The following FBXO42 variants were observed in gnomAD, a reference collection of about 807,000 sequenced individuals.
FBXO42 encodes F-box protein 42.
A neutral mutation model predicts 71.7 loss-of-function variants in FBXO42; 12 were observed. The observed-to-expected ratio is 0.17, with a 90% CI of 0.11 to 0.27. The LOEUF is 0.27. FBXO42 is among the 10% of genes least tolerant of loss of function. The probability of loss-of-function intolerance (pLI) is 1.00; values close to 1 mark genes in which losing one functional copy is unlikely to be tolerated. For synonymous variants in FBXO42, 325 were observed against 327.5 expected (o/e 0.99, Z 0.08); for missense variants, 707 against 911.9 (o/e 0.78, Z 2.89).
chr1:16,300,807 C>T (rs2100544453), intron 3 of FBXO42, among the ~76,000 whole-genome samples: 1 of 151,846 alleles, frequency 6.6e-6, no homozygotes, highest in African/African-American at 2.4e-5. Context: ...AGGAGACCCC[C>T]TACATCAATC....
chr1:16,277,795 C>T (rs12754842), intron 4 of FBXO42, among the ~76,000 whole-genome samples: 27,782 of 150,964 alleles, frequency 0.18, 2,999 homozygotes, highest in Non-Finnish European at 0.24. Flanking sequence ...AATCCCAGCA[C>T]TTTCGGAGGA....
chr1:16,296,376 G>A (rs1282509359), intron 3 of FBXO42, among the ~76,000 whole-genome samples: 3 of 150,170 alleles, frequency 2.0e-5, no homozygotes, highest in African/African-American at 7.6e-5. Context: ...TTCAGGCCAG[G>A]TGCAGTGGCT....
At chr1:16,253,510 A>G (rs1569806213) in intron 7 of FBXO42, 125 bp downstream of exon 7, 2 of 765,800 alleles carry the variant, frequency 2.6e-6, no homozygotes, top group East Asian at 5.4e-5. Context: ...TACCAGTAAA[A>G]AAGAATGATA....
At chr1:16,344,897 G>C (rs1448302199) in intron 1 of FBXO42, among the ~76,000 whole-genome samples, 3 of 152,004 alleles carry the variant, frequency 2.0e-5, no homozygotes, top group Admixed American at 6.6e-5. Context: ...TCAGGAGTTT[G>C]AGACCAGCCT....
intron 1 of FBXO42, among the ~76,000 whole-genome samples, chr1:16,328,652 C>T (rs768516362): frequency 3.3e-5 from 5 of 152,244 alleles, no homozygotes; most frequent in East Asian, 1.9e-4. Flanking sequence ...TGTTAGTATA[C>T]ACTCATCTAC....
rs1364708471 is a variant in FBXO42, at chr1:16,343,283, C to A, written c.-18+8972G>T. Among the ~76,000 whole-genome samples, 3 of 152,166 alleles carry A rather than the reference C, an allele frequency of 2.0e-5. No individual in the cohort carries two copies. In the South Asian group the frequency reaches 6.2e-4, roughly 31 times the overall value. On this transcript the variant is annotated intron_variant, in intron 1 of 9. Coordinates refer to ENST00000375592, the MANE Select transcript of FBXO42 (RefSeq NM_018994.3). Reference sequence around the variant, plus strand: ...TGCAGGCTAGGCGCAGTGGCTCACGCCTGCAATGCCAACACTTTAGGTCAA... The same window carrying A: ...TGCAGGCTAGGCGCAGTGGCTCACGACTGCAATGCCAACACTTTAGGTCAA...
chr1:16,296,649 C>CAAAAAA (rs58537213), intron 3 of FBXO42, among the ~76,000 whole-genome samples: 53 of 91,096 alleles, frequency 5.8e-4, no homozygotes, highest in East Asian at 9.8e-4. Context: ...GACTCCATCT[C>CAAAAAA]AAAAAAAAAA....
intron 1 of FBXO42, among the ~76,000 whole-genome samples, chr1:16,347,155 C>T (rs751088789): frequency 6.6e-6 from 1 of 151,834 alleles, no homozygotes; most frequent in African/African-American, 2.4e-5. Context: ...TGTGTGTGTG[C>T]GCATCAAAGC....
At chr1:16,345,148 G>A (rs2100642180) in intron 1 of FBXO42, among the ~76,000 whole-genome samples, 1 of 152,112 alleles carries the variant, frequency 6.6e-6, no homozygotes, top group South Asian at 2.1e-4. Flanking sequence ...TCTGAGCCAG[G>A]CGCGGCAGCT....
At chr1:16,299,065 T>C (rs2082161974) in intron 3 of FBXO42, among the ~76,000 whole-genome samples, 1 of 151,774 alleles carries the variant, frequency 6.6e-6, no homozygotes, top group African/African-American at 2.4e-5. Context: ...CAGGCTGGAG[T>C]GAAATGGTAC....
intron 4 of FBXO42, chr1:16,292,214 T>C (rs776526378): frequency 6.6e-6 from 1 of 152,260 alleles, no homozygotes; most frequent in Non-Finnish European, 1.5e-5. Context: ...ATTGAAGCAG[T>C]TATTTCTCCA....
intron 4 of FBXO42, among the ~76,000 whole-genome samples, chr1:16,273,179 A>G (rs2081863746): frequency 6.6e-6 from 1 of 152,196 alleles, no homozygotes; most frequent in Non-Finnish European, 1.5e-5. Flanking sequence ...GGGTTAAACA[A>G]CCGGTAACCA....
chr1:16,286,761 CCTTGATCACCCAGT>C (rs1220047448), intron 4 of FBXO42, among the ~76,000 whole-genome samples: 1 of 152,156 alleles, frequency 6.6e-6, no homozygotes, highest in African/African-American at 2.4e-5. Flanking sequence ...CCCTTGCCAA[CCTTGATCACCCAGT>C]CTTCCCCATC....
At chr1:16,258,042 T>A (rs2081665408) in intron 4 of FBXO42, among the ~76,000 whole-genome samples, 1 of 152,146 alleles carries the variant, frequency 6.6e-6, no homozygotes, top group Non-Finnish European at 1.5e-5. Flanking sequence ...CAGGACTCAT[T>A]TTTCAAAGGA....
At chr1:16,309,319 C>T (rs1254554169) in intron 2 of FBXO42, among the ~76,000 whole-genome samples, 1 of 151,628 alleles carries the variant, frequency 6.6e-6, no homozygotes, top group East Asian at 1.9e-4. Flanking sequence ...CCTCATGATC[C>T]ACCCACCTTG....
At chr1:16,320,653 C>A (rs2082403797) in intron 1 of FBXO42, among the ~76,000 whole-genome samples, 1 of 148,698 alleles carries the variant, frequency 6.7e-6, no homozygotes, top group African/African-American at 2.5e-5. Flanking sequence ...CATCACTATG[C>A]CCAGCTAATT....
chr1:16,255,811 T>G lies in FBXO42; in HGVS notation c.667A>C (p.Ile223Leu). Residue 223 changes from isoleucine (I) to leucine (L), a missense_variant, in exon 6 of 10, where the codon ATT (isoleucine) becomes CTT (leucine). By Grantham distance (5) the Ile-to-Leu change is conservative. Around this residue, in one of 5 missense-constraint regions of FBXO42, gnomAD observed 482 missense variants for 587.1 expected, o/e 0.82. Transcript: ENST00000375592. ...GGAGGTGGCCCATGGGTTGTCACAA[T>G]GCAGTTCCACCTAATGTAAAAAGAC... ...YSPSKNWWNC[I>L]VTTHGPPPMA... 6.2e-7 allele frequency: 1 copy of G among 1,613,228 alleles called. No homozygotes were observed. Among genetic ancestry groups the G allele is most frequent in the Non-Finnish European group, 8.5e-7 (1 of 1,179,658 alleles).
chr1:16,297,866 CAA>C (rs34942089), intron 3 of FBXO42, among the ~76,000 whole-genome samples: 9 of 74,554 alleles, frequency 1.2e-4, no homozygotes, highest in East Asian at 1.0e-3. Flanking sequence ...GACTCCATCT[CAA>C]AAAAAAAAAA....
chr1:16,337,992 G>A (rs1353978196), intron 1 of FBXO42, among the ~76,000 whole-genome samples: 2 of 150,926 alleles, frequency 1.3e-5, no homozygotes, highest in East Asian at 3.9e-4. Flanking sequence ...GGGCGCGGTG[G>A]CTCACACCTG....
Sources: gnomAD v4.1 joint callset for allele counts (sites outside exome capture counted in the v4.1 genomes callset) on GRCh38, gnomAD v4.1.1 for gene constraint, gnomAD v4.1.1 regional missense constraint, MANE v1.5 for transcripts, NCBI Gene and HGNC (gene_info 2026-07-23, HGNC 2026-07-21) for gene names.